The following DSCAM variants were observed in gnomAD, a reference collection of about 807,000 sequenced individuals.
DSCAM encodes the protein DS cell adhesion molecule, also known as cell adhesion molecule DSCAM.
A neutral mutation model predicts 217.7 loss-of-function variants in DSCAM; 47 were observed. The ratio of observed to expected loss-of-function variants is 0.22; its 90% CI spans 0.17 to 0.28. DSCAM has a LOEUF of 0.28. Among genes scored for constraint, DSCAM ranks in the 10% least tolerant of loss-of-function variants. DSCAM has a pLI of 1.00. For synonymous variants in DSCAM, 1,056 were observed against 1,015.3 expected, an observed-to-expected ratio of 1.04 and a Z score of -0.76; for missense variants, 2,080 against 2,618.3, an observed-to-expected ratio of 0.79 and a Z score of 4.49.
chr21:40,396,290 C>T (rs763613613), intron 3 of DSCAM, among the ~76,000 whole-genome samples: 11 of 152,250 alleles, frequency 7.2e-5, no homozygotes, highest in African/African-American at 2.4e-4. Context: ...TCAACCATAA[C>T]GGGTACCAGA....
At chr21:40,169,047 T>TAAC (rs376303804) in intron 15 of DSCAM, among the ~76,000 whole-genome samples, 1 of 152,068 alleles carries the variant, frequency 6.6e-6, no homozygotes, top group Non-Finnish European at 1.5e-5. Context: ...GGGAGAAATT[T>TAAC]AACAACAACA....
At chr21:40,135,999 A>G (rs1391299272) in intron 18 of DSCAM, among the ~76,000 whole-genome samples, 8 of 152,338 alleles carry the variant, frequency 5.3e-5, no homozygotes, top group East Asian at 3.9e-4. Context: ...GGAGCACCAG[A>G]AGCAGACAGT....
At chr21:40,787,634 A>C (rs1241660922) in intron 1 of DSCAM, among the ~76,000 whole-genome samples, 1 of 152,242 alleles carries the variant, frequency 6.6e-6, no homozygotes, top group East Asian at 1.9e-4. Context: ...GCTAAGAAGC[A>C]GTTCGGTGTA....
At chr21:40,732,572 A>G (rs905516263) in intron 1 of DSCAM, among the ~76,000 whole-genome samples, 1 of 152,216 alleles carries the variant, frequency 6.6e-6, no homozygotes, top group African/African-American at 2.4e-5. Context: ...TTAATCACAC[A>G]TTAGCTCTGA....
rs1280664758 is a variant in DSCAM at position 40,011,840 on chromosome 21, G to C, written c.*1194C>G. 6.6e-6 allele frequency: 1 copy of C among 152,180 alleles called. No individual in the cohort carries two copies. The highest frequency in any genetic ancestry group is 2.4e-5 in the African/African-American group (1 of 41,428). 9.4% of individuals were successfully genotyped at this position (152,180 alleles called of 1,614,324 possible). A position where few individuals can be genotyped will look rare whatever the true frequency, so the allele number is the denominator to read the frequency against. On this transcript the variant is annotated 3_prime_UTR_variant, in exon 33 of 33. Transcript: ENST00000400454. ...ACCAGGCATAGTGGAGATAGGAAAA[G>C]TCATGGAGGGTAAGATGCACGATCT... is the stretch of plus-strand genomic sequence containing the variant.
intron 3 of DSCAM, among the ~76,000 whole-genome samples, chr21:40,666,278 G>A (rs2090198509): frequency 6.6e-6 from 1 of 152,174 alleles, no homozygotes; most frequent in Non-Finnish European, 1.5e-5. Context: ...CCAGCCCTGA[G>A]ATGAGTGTTT....
At chr21:40,106,185 C>T (rs571054433) in intron 20 of DSCAM, among the ~76,000 whole-genome samples, 17 of 152,288 alleles carry the variant, frequency 1.1e-4, no homozygotes, top group Non-Finnish European at 1.8e-4. Flanking sequence ...ACCATCAGAA[C>T]TCATGAGACT....
chr21:40,217,379 A>G (rs1262093834), intron 11 of DSCAM, among the ~76,000 whole-genome samples: 2 of 152,222 alleles, frequency 1.3e-5, no homozygotes, highest in African/African-American at 2.4e-5. Context: ...AATACTACAT[A>G]TATGTATACA....
intron 3 of DSCAM, among the ~76,000 whole-genome samples, chr21:40,429,457 G>A (rs1055429914): frequency 6.6e-6 from 1 of 152,002 alleles, no homozygotes; most frequent in African/African-American, 2.4e-5. Context: ...TAGTAGAGAT[G>A]GAGTTTCTCC....
At chr21:40,734,713 C>T (rs1394731242) in intron 1 of DSCAM, among the ~76,000 whole-genome samples, 4 of 152,312 alleles carry the variant, frequency 2.6e-5, no homozygotes, top group East Asian at 1.9e-4. Flanking sequence ...CAATATGGCT[C>T]GTTCACACTT....
chr21:40,383,340 A>AAAAAG (rs747797160), intron 3 of DSCAM: 5 of 152,498 alleles, frequency 3.3e-5, no homozygotes, highest in South Asian at 2.1e-4. Context: ...AAAAAAAGAA[A>AAAAAG]AAAAGAAAAG....
rs984730929 is a variant in DSCAM at position 40,022,557 on chromosome 21, T to C, written c.5687-9171A>G. On this transcript the variant is annotated intron_variant, in intron 32 of 32. Transcript: ENST00000400454. Reference sequence around the variant, plus strand: ...GTTCTTCATGGAAGAAAATAAGAGATGGTCCAATGGAACTGTAATCAGAAG... The same window carrying C: ...GTTCTTCATGGAAGAAAATAAGAGACGGTCCAATGGAACTGTAATCAGAAG... 6.6e-5 allele frequency among the ~76,000 whole-genome samples: 10 copies of C among 152,310 alleles called. No homozygotes were observed. In the East Asian group the frequency reaches 1.9e-3, roughly 29 times the overall value.
intron 28 of DSCAM, 137 bp downstream of exon 28, chr21:40,062,732 G>C (rs1601288369): frequency 2.6e-6 from 2 of 765,702 alleles, no homozygotes; most frequent in Non-Finnish European, 4.0e-6. Flanking sequence ...GGAATGTATA[G>C]GAAATTACAG....
chr21:40,014,819 T>G (rs1045811250), intron 32 of DSCAM, among the ~76,000 whole-genome samples: 1 of 152,240 alleles, frequency 6.6e-6, no homozygotes, highest in Non-Finnish European at 1.5e-5. Context: ...TGACACAGCT[T>G]CTTTCACCAT....
At chr21:40,584,743 G>C (rs1266048477) in intron 3 of DSCAM, among the ~76,000 whole-genome samples, 1 of 152,116 alleles carries the variant, frequency 6.6e-6, no homozygotes, top group Admixed American at 6.5e-5. Context: ...GTAGGTGGGA[G>C]CTATGAACCT....
chr21:40,797,105 C>A (rs1208431920), intron 1 of DSCAM, among the ~76,000 whole-genome samples: 1 of 152,122 alleles, frequency 6.6e-6, no homozygotes, highest in Non-Finnish European at 1.5e-5. Flanking sequence ...AACATTAGGG[C>A]CTATTTGTCT....
At chr21:40,184,670 A>T (rs2090874265) in intron 14 of DSCAM, among the ~76,000 whole-genome samples, 1 of 152,208 alleles carries the variant, frequency 6.6e-6, no homozygotes, top group Non-Finnish European at 1.5e-5. Context: ...AATGATTCTT[A>T]GATTTCAATT....
chr21:40,648,138 A>G (rs981155981), intron 3 of DSCAM, among the ~76,000 whole-genome samples: 2 of 152,210 alleles, frequency 1.3e-5, no homozygotes, highest in African/African-American at 2.4e-5. Flanking sequence ...AAAAGATTCA[A>G]TAACTGCTGT....
chr21:40,080,781 C>A (rs1397567328), intron 24 of DSCAM, among the ~76,000 whole-genome samples: 2 of 152,178 alleles, frequency 1.3e-5, no homozygotes, highest in African/African-American at 2.4e-5. Context: ...CTGCCTCACT[C>A]CTCATGTACT....
Sources: allele counts gnomAD v4.1 joint callset (sites outside exome capture counted in the v4.1 genomes callset), GRCh38; gene constraint gnomAD v4.1.1; transcripts MANE v1.5; gene names NCBI Gene and HGNC (gene_info 2026-07-23, HGNC 2026-07-21).